The following FARS2 variants were observed in gnomAD, a reference collection of about 807,000 sequenced individuals.
FARS2 encodes phenylalanine--tRNA ligase, mitochondrial.
FARS2 carries 40 observed loss-of-function variants against 46.4 expected under a neutral mutation model. That is an observed-to-expected ratio of 0.86 (90% CI 0.67 to 1.12). The LOEUF (loss-of-function observed/expected upper bound fraction) is 1.12. FARS2 is among the 50% of genes most tolerant of loss of function. The pLI is 0.00. For missense variants in FARS2, 513 were observed against 567.9 expected (o/e 0.90, Z 0.98); for synonymous variants, 234 against 214.9 (o/e 1.09, Z -0.78).
intron 1 of FARS2, among the ~76,000 whole-genome samples, chr6:5,275,908 C>G (rs1276837886): frequency 6.6e-6 from 1 of 152,160 alleles, no homozygotes; most frequent in Non-Finnish European, 1.5e-5. Context: ...TTTATATTAT[C>G]TTAAGCTTTG....
In FARS2 at chr6:5,456,193, G is replaced by A. The variant is rs190640088; in HGVS notation, c.904+25021G>A. On this transcript the variant is annotated intron_variant, in intron 4 of 6. Coordinates refer to ENST00000274680, the MANE Select transcript of FARS2 (RefSeq NM_006567.5). ...TGTGCCACTGCATTCCAGCCTGGGT[G>A]ACAGAGCAAGACCCTGTCTCAAAAA... is the stretch of plus-strand genomic sequence containing the variant. 4.1e-3 allele frequency among the ~76,000 whole-genome samples: 615 copies of A among 151,004 alleles called. 8 individuals are homozygous for A. Among genetic ancestry groups the A allele is most frequent in the East Asian group, 0.018 (92 of 5,070 alleles).
At chr6:5,393,653 C>G (rs532753439) in intron 2 of FARS2, among the ~76,000 whole-genome samples, 1 of 151,746 alleles carries the variant, frequency 6.6e-6, no homozygotes, top group East Asian at 1.9e-4. Flanking sequence ...GAGACTCCAC[C>G]TAAAAAAAAG....
intron 4 of FARS2, among the ~76,000 whole-genome samples, chr6:5,504,087 T>G (rs146518161): frequency 6.6e-6 from 1 of 152,008 alleles, no homozygotes; most frequent in African/African-American, 2.4e-5. Context: ...AAAAGCAGAG[T>G]AGGGAGTGAC....
intron 6 of FARS2, among the ~76,000 whole-genome samples, chr6:5,642,144 ATGTG>A (rs1051264866): frequency 1.3e-5 from 2 of 152,058 alleles, no homozygotes; most frequent in Non-Finnish European, 1.5e-5. Context: ...GTGTGTCTGT[ATGTG>A]TGTGTGTATG....
At chr6:5,481,093 C>T (rs1405284241) in intron 4 of FARS2, among the ~76,000 whole-genome samples, 1 of 152,338 alleles carries the variant, frequency 6.6e-6, no homozygotes, top group South Asian at 2.1e-4. Flanking sequence ...CCTTTATGCA[C>T]GTCTTACACC....
chr6:5,435,135 T>C (rs1283218866), intron 4 of FARS2, among the ~76,000 whole-genome samples: 1 of 152,230 alleles, frequency 6.6e-6, no homozygotes, highest in African/African-American at 2.4e-5. Flanking sequence ...CTGACAACAG[T>C]TAACTAATAA....
intron 4 of FARS2, among the ~76,000 whole-genome samples, chr6:5,500,933 CGAGAGAGAGAGA>C (rs58128430): frequency 0.34 from 48,705 of 143,534 alleles, 9,172 homozygotes; most frequent in Non-Finnish European, 0.44. Flanking sequence ...TTCAAATCCC[CGAGAGAGAGAGA>C]GAGAGAGAGA....
intron 6 of FARS2, among the ~76,000 whole-genome samples, chr6:5,690,600 A>T (rs1169595190): frequency 1.3e-5 from 2 of 151,384 alleles, no homozygotes; most frequent in Non-Finnish European, 2.9e-5. Context: ...TTTGTGGGTA[A>T]CCCGACCTTT....
chr6:5,466,987 G>A (rs1037857590), intron 4 of FARS2: 65 of 985,192 alleles, frequency 6.6e-5, no homozygotes, highest in Non-Finnish European at 7.5e-5. Context: ...TCTTCAGTTC[G>A]TGCAACAGAT....
intron 1 of FARS2, among the ~76,000 whole-genome samples, chr6:5,330,448 G>T (rs1468802972): frequency 6.6e-6 from 1 of 152,122 alleles, no homozygotes; most frequent in Non-Finnish European, 1.5e-5. Flanking sequence ...TCTTATGCTG[G>T]CTCCACGGGT....
At chr6:5,340,578 T>C (rs1461222260) in intron 1 of FARS2, among the ~76,000 whole-genome samples, 1 of 152,206 alleles carries the variant, frequency 6.6e-6, no homozygotes, top group East Asian at 1.9e-4. Flanking sequence ...AAATCATTTT[T>C]AGCCTACGTT....
intron 1 of FARS2, among the ~76,000 whole-genome samples, chr6:5,301,719 T>G (rs1213164417): frequency 6.6e-6 from 1 of 152,078 alleles, no homozygotes; most frequent in Admixed American, 6.6e-5. Flanking sequence ...TCAAACAATT[T>G]TTTTTTAAAC....
intron 2 of FARS2, among the ~76,000 whole-genome samples, chr6:5,402,397 G>T (rs1194250412): frequency 6.8e-6 from 1 of 147,154 alleles, no homozygotes; most frequent in East Asian, 2.0e-4. Flanking sequence ...GTTTTGGGGG[G>T]TGGGTGGGAG....
intron 5 of FARS2, among the ~76,000 whole-genome samples, chr6:5,551,266 A>ATTTCCTTCCTC (rs1771358535): frequency 6.6e-6 from 1 of 151,874 alleles, no homozygotes; most frequent in Admixed American, 6.6e-5. Context: ...CCTTCCACTA[A>ATTTCCTTCCTC]CATGTTCCTC....
rs1242096481 is a variant in FARS2, at chr6:5,641,975, A to G, written c.1217+28655A>G. Among the ~76,000 whole-genome samples, 4 of 152,264 alleles carry G rather than the reference A, an allele frequency of 2.6e-5. No individual in the cohort carries two copies. In the South Asian group the frequency reaches 8.3e-4, roughly 32 times the overall value. On this transcript the variant is annotated intron_variant, in intron 6 of 6. Transcript: ENST00000274680. ...TTTATGTCCCTCTCACTAGACTGTT[A>G]ACTCCTTGAGGGTAGGAAATCTGTT...
intron 6 of FARS2, among the ~76,000 whole-genome samples, chr6:5,613,833 C>G (rs1367437635): frequency 6.6e-6 from 1 of 152,066 alleles, no homozygotes; most frequent in East Asian, 1.9e-4. Context: ...TGAAAGCATG[C>G]TATTATGAGG....
At chr6:5,613,492 A>T (rs1775301100) in intron 6 of FARS2, among the ~76,000 whole-genome samples, 172 bp downstream of exon 6, 1 of 152,212 alleles carries the variant, frequency 6.6e-6, no homozygotes. Context: ...TCGTCTCTGA[A>T]AATCTTTCCA....
chr6:5,439,827 C>T (rs1015014847), intron 4 of FARS2, among the ~76,000 whole-genome samples: 1 of 152,188 alleles, frequency 6.6e-6, no homozygotes, highest in Non-Finnish European at 1.5e-5. Context: ...CGCTTCCTTC[C>T]TCCTGCCCTC....
At chr6:5,346,136 C>T (rs1166068378) in intron 1 of FARS2, among the ~76,000 whole-genome samples, 1 of 152,128 alleles carries the variant, frequency 6.6e-6, no homozygotes, top group Non-Finnish European at 1.5e-5. Flanking sequence ...CTTTCTCATC[C>T]GTAAAGTCAA....
Sources: gnomAD v4.1 joint callset for allele counts (sites outside exome capture counted in the v4.1 genomes callset) on GRCh38, gnomAD v4.1.1 for gene constraint, MANE v1.5 for transcripts, NCBI Gene and HGNC (gene_info 2026-07-23, HGNC 2026-07-21) for gene names.